The following MAGI1 variants were observed in gnomAD, a reference collection of about 807,000 sequenced individuals.
MAGI1 encodes the protein membrane associated guanylate kinase, WW and PDZ domain containing 1, also known as membrane-associated guanylate kinase, WW and PDZ domain-containing protein 1.
MAGI1 carries 58 observed loss-of-function variants against 139.9 expected under a neutral mutation model. The ratio of observed to expected loss-of-function variants is 0.41; its 90% CI spans 0.34 to 0.52. The LOEUF (loss-of-function observed/expected upper bound fraction) is 0.52, where lower values mean the gene tolerates loss of function less well. Among genes scored for constraint, MAGI1 ranks in the 20% least tolerant of loss-of-function variants. The pLI is 0.12. For synonymous variants in MAGI1, 812 were observed against 737.9 expected (o/e 1.10, Z -1.63); for missense variants, 1,874 against 1,901.6 (o/e 0.99, Z 0.27).
intron 12 of MAGI1, among the ~76,000 whole-genome samples, chr3:65,407,126 C>T (rs376638000): frequency 2.6e-5 from 4 of 151,904 alleles, no homozygotes; most frequent in African/African-American, 7.3e-5. Context: ...AAAAGATGGT[C>T]GACACAGCAC....
intron 1 of MAGI1, among the ~76,000 whole-genome samples, chr3:65,884,623 G>A (rs1273140262): frequency 6.6e-6 from 1 of 151,832 alleles, no homozygotes; most frequent in African/African-American, 2.4e-5. Flanking sequence ...GATTCAGGGG[G>A]TACATGTGCA....
At chr3:65,988,895 A>C (rs1411841870) in intron 1 of MAGI1, among the ~76,000 whole-genome samples, 1 of 152,196 alleles carries the variant, frequency 6.6e-6, no homozygotes, top group Non-Finnish European at 1.5e-5. Context: ...AAGACAGTTA[A>C]CAGACCATTT....
intron 1 of MAGI1, among the ~76,000 whole-genome samples, chr3:65,973,348 A>G (rs1432787857): frequency 6.6e-6 from 1 of 152,014 alleles, no homozygotes; most frequent in Non-Finnish European, 1.5e-5. Context: ...CATCTTCAGT[A>G]CCTTTGTAAG....
At chr3:65,692,291 T>C (rs1411811868) in intron 1 of MAGI1, among the ~76,000 whole-genome samples, 2 of 152,228 alleles carry the variant, frequency 1.3e-5, no homozygotes, top group Non-Finnish European at 2.9e-5. Flanking sequence ...CATTGATTCA[T>C]TCTTGCTTGT....
chr3:65,946,347 T>C (rs2106893880), intron 1 of MAGI1, among the ~76,000 whole-genome samples: 1 of 152,366 alleles, frequency 6.6e-6, no homozygotes, highest in African/African-American at 2.4e-5. Context: ...CCTCCCAACT[T>C]GGTGCCAGTT....
At chr3:65,584,584 A>G (rs780092254) in intron 2 of MAGI1, among the ~76,000 whole-genome samples, 3 of 152,194 alleles carry the variant, frequency 2.0e-5, no homozygotes, top group Non-Finnish European at 4.4e-5. Flanking sequence ...AAAAACATAT[A>G]AAAGCAGAAG....
At chr3:65,372,713 C>T (rs774423216) in intron 18 of MAGI1, among the ~76,000 whole-genome samples, 14 of 152,234 alleles carry the variant, frequency 9.2e-5, no homozygotes, top group East Asian at 5.8e-4. Context: ...TAATTAAATC[C>T]GCTGGAAAAC....
At chr3:65,628,016 T>C (rs1018446595) in intron 1 of MAGI1, among the ~76,000 whole-genome samples, 1 of 152,200 alleles carries the variant, frequency 6.6e-6, no homozygotes, top group Non-Finnish European at 1.5e-5. Flanking sequence ...ATTTCCAATA[T>C]AAACAATGCT....
At chr3:65,556,552 G>A (rs2080093829) in intron 2 of MAGI1, among the ~76,000 whole-genome samples, 1 of 152,098 alleles carries the variant, frequency 6.6e-6, no homozygotes, top group Non-Finnish European at 1.5e-5. Context: ...AATTCATCCT[G>A]GACAACCCTC....
chr3:65,361,651 T>C (rs2106720676), intron 21 of MAGI1, among the ~76,000 whole-genome samples: 1 of 152,250 alleles, frequency 6.6e-6, no homozygotes, highest in South Asian at 2.1e-4. Flanking sequence ...CTGTGTAATC[T>C]CCCCCTGCCT....
At chr3:65,485,617 T>C (rs1951574389) in intron 3 of MAGI1, among the ~76,000 whole-genome samples, 1 of 152,240 alleles carries the variant, frequency 6.6e-6, no homozygotes, top group Admixed American at 6.5e-5. Context: ...ATAGGGTTAA[T>C]GTGTAAAAGA....
chr3:65,625,642 T>C (rs1031323261), intron 1 of MAGI1, among the ~76,000 whole-genome samples: 11 of 152,212 alleles, frequency 7.2e-5, no homozygotes, highest in African/African-American at 7.2e-5. Flanking sequence ...ATGGAAATTA[T>C]AATTATGATG....
chr3:65,680,423 T>C (rs1484856428), intron 1 of MAGI1, among the ~76,000 whole-genome samples: 2 of 152,166 alleles, frequency 1.3e-5, no homozygotes, highest in South Asian at 2.1e-4. Context: ...AATTGATTGA[T>C]GTATTAATTT....
intron 1 of MAGI1, among the ~76,000 whole-genome samples, chr3:66,016,855 T>A (rs1394198232): frequency 2.0e-5 from 3 of 152,182 alleles, no homozygotes; most frequent in Admixed American, 2.0e-4. Context: ...CGTGGATGAA[T>A]CTTGAGGACA....
chr3:65,361,165 G>C, intron 22 of MAGI1, 34 bp downstream of exon 22: 8 of 1,614,122 alleles, frequency 5.0e-6, no homozygotes, highest in South Asian at 1.1e-5. Context: ...AGTCATGCCA[G>C]GGAAGGAAGG....
chr3:65,383,442 GAC>G, intron 15 of MAGI1, 88 bp downstream of exon 15: 1 of 921,692 alleles, frequency 1.1e-6, no homozygotes. Context: ...CATCTAGCTG[GAC>G]TTAAATCTTG....
intron 1 of MAGI1, among the ~76,000 whole-genome samples, chr3:65,754,045 C>T (rs1411255414): frequency 6.6e-6 from 1 of 152,008 alleles, no homozygotes; most frequent in African/African-American, 2.4e-5. Context: ...AAATCTTTCT[C>T]ATTGATCTTA....
rs1022746427 is a variant in MAGI1, at chr3:65,733,946, T to C, written c.314-111858A>G. ...GCAGGTTTGCTGTTTAACACCGAAA[T>C]TCCTGCTCTAATTCTGAGTGTTACT... On this transcript the variant is annotated intron_variant, in intron 1 of 22. Coordinates refer to ENST00000402939, the MANE Select transcript of MAGI1 (RefSeq NM_001033057.2). Among the ~76,000 whole-genome samples the C allele has an allele frequency of 1.2e-4, 18 of 152,164 alleles. 1 individual carries two copies. The highest frequency in any genetic ancestry group is 1.0e-3 in the Admixed American group (16 of 15,286).
In MAGI1 at chr3:65,478,647, G is replaced by C. The variant is rs779470078; in HGVS notation, c.702C>G (p.Val234=). Residue 234 remains valine, a synonymous_variant, in exon 4 of 23, where the codon GTC becomes GTG. Coordinates refer to ENST00000402939, the MANE Select transcript of MAGI1 (RefSeq NM_001033057.2). The part of the protein sequence containing the change: ...SYNDMQNAGI[V]HAENEEEDDV... The stretch of plus-strand genomic sequence containing the variant: ...CATCCTCCTCCTCATTCTCCGCGTG[G>C]ACTATGCCAGCATTTTGCATATCAT... The C allele has an allele frequency of 2.5e-6, 4 of 1,613,880 alleles. No individual in the cohort carries two copies. In the African/African-American group the frequency reaches 5.3e-5, roughly 22 times the overall value.
Sources: gnomAD v4.1 joint callset for allele counts (sites outside exome capture counted in the v4.1 genomes callset) on GRCh38, gnomAD v4.1.1 for gene constraint, MANE v1.5 for transcripts, NCBI Gene and HGNC (gene_info 2026-07-23, HGNC 2026-07-21) for gene names.